The following ZNF385D variants were observed in gnomAD, a reference collection of about 807,000 sequenced individuals.
ZNF385D encodes the protein zinc finger protein 659.
A neutral mutation model predicts 35.8 loss-of-function variants in ZNF385D; 15 were observed. The ratio of observed to expected loss-of-function variants is 0.42; its 90% CI spans 0.28 to 0.64. The LOEUF (loss-of-function observed/expected upper bound fraction) is 0.64. Ranked by LOEUF, ZNF385D falls within the 30% of genes least tolerant of loss-of-function variation. ZNF385D has a pLI of 0.23. For synonymous variants in ZNF385D, 212 were observed against 186.8 expected (o/e 1.13, Z -1.10); for missense variants, 474 against 494.6 (o/e 0.96, Z 0.39).
intron 4 of ZNF385D, among the ~76,000 whole-genome samples, chr3:21,497,144 G>GA (rs1235890220): frequency 6.6e-6 from 1 of 152,056 alleles, no homozygotes; most frequent in Non-Finnish European, 1.5e-5. Flanking sequence ...CCTGTATCTA[G>GA]AAAACCCCAT....
chr3:22,012,288 T>A (rs1471301458), intron 3 of ZNF385D, among the ~76,000 whole-genome samples: 6 of 152,202 alleles, frequency 3.9e-5, no homozygotes, highest in Non-Finnish European at 5.9e-5. Context: ...TAGCTCTTTT[T>A]GAACTTTATT....
chr3:22,196,557 GTTTA>G (rs1240407821), intron 2 of ZNF385D, among the ~76,000 whole-genome samples: 1 of 151,332 alleles, frequency 6.6e-6, no homozygotes, highest in Non-Finnish European at 1.5e-5. Flanking sequence ...TAATATTGTG[GTTTA>G]TTATTATTTT....
At chr3:21,923,566 C>T (rs1700581386) in intron 3 of ZNF385D, among the ~76,000 whole-genome samples, 1 of 152,134 alleles carries the variant, frequency 6.6e-6, no homozygotes, top group Non-Finnish European at 1.5e-5. Context: ...TTGCATGTTC[C>T]TCATGGCACT....
At chr3:22,127,522 T>G (rs754701305) in intron 3 of ZNF385D, among the ~76,000 whole-genome samples, 7 of 151,684 alleles carry the variant, frequency 4.6e-5, no homozygotes, top group African/African-American at 7.3e-5. Context: ...GTACTTTTAG[T>G]AGAGATGGGG....
intron 3 of ZNF385D, among the ~76,000 whole-genome samples, chr3:22,096,128 A>G (rs949012692): frequency 4.3e-5 from 5 of 116,514 alleles, no homozygotes; most frequent in Non-Finnish European, 6.5e-5. Context: ...GGTAAAAAAA[A>G]TATATATACA....
intron 3 of ZNF385D, among the ~76,000 whole-genome samples, chr3:22,141,138 G>A (rs972415295): frequency 1.3e-5 from 2 of 151,984 alleles, no homozygotes; most frequent in African/African-American, 2.4e-5. Flanking sequence ...ACATAAGAGA[G>A]GTTTATACTG....
chr3:22,132,840 T>C (rs1262886662), intron 3 of ZNF385D, among the ~76,000 whole-genome samples: 1 of 152,080 alleles, frequency 6.6e-6, no homozygotes, highest in African/African-American at 2.4e-5. Context: ...AAAATATATC[T>C]TATGTAAAGC....
chr3:21,415,753 G>A lies in ZNF385D; in HGVS notation c.*5461C>T, dbSNP rs542551654. ...CTGAAAATAACATGACCCCATTATCGGCTGTCTTAGTTAACCAAACTCTAA... is the reference window on the plus strand; with the variant it reads ...CTGAAAATAACATGACCCCATTATCAGCTGTCTTAGTTAACCAAACTCTAA... On this transcript the variant is annotated 3_prime_UTR_variant, in exon 8 of 8. Transcript: ENST00000281523. 29 of 151,814 alleles carry A rather than the reference G, an allele frequency of 1.9e-4. No individual in the cohort carries two copies. The highest frequency in any genetic ancestry group is 3.9e-4 in the African/African-American group (16 of 41,294). The allele number at this position is 151,814 out of a possible 1,614,324, so 9.4% of individuals were successfully genotyped here. A position where few individuals can be genotyped will look rare whatever the true frequency, so the allele number is the denominator to read the frequency against.
chr3:21,822,048 A>G (rs1174704107), intron 3 of ZNF385D, among the ~76,000 whole-genome samples: 1 of 151,086 alleles, frequency 6.6e-6, no homozygotes, highest in Non-Finnish European at 1.5e-5. Flanking sequence ...ATATTTCTCC[A>G]CCATTGGTTT....
At chr3:22,082,241 G>T (rs1482190446) in intron 3 of ZNF385D, among the ~76,000 whole-genome samples, 1 of 152,046 alleles carries the variant, frequency 6.6e-6, no homozygotes, top group African/African-American at 2.4e-5. Flanking sequence ...GCTGAAGCAG[G>T]GCAGGGCATC....
intron 2 of ZNF385D, among the ~76,000 whole-genome samples, chr3:22,286,683 T>C (rs949058101): frequency 6.6e-6 from 1 of 152,138 alleles, no homozygotes; most frequent in East Asian, 1.9e-4. Context: ...CATTTCCATA[T>C]ACTTGTAAGC....
chr3:22,009,687 A>G (rs181196168), intron 3 of ZNF385D, among the ~76,000 whole-genome samples: 134 of 152,160 alleles, frequency 8.8e-4, no homozygotes, highest in Admixed American at 2.6e-3. Flanking sequence ...TGTGTCAAAT[A>G]TGACATTTAG....
At chr3:21,824,154 A>C (rs76137688) in intron 3 of ZNF385D, among the ~76,000 whole-genome samples, 43 of 152,340 alleles carry the variant, frequency 2.8e-4, no homozygotes, top group African/African-American at 9.9e-4. Context: ...TTCTTTCAAA[A>C]TTCATTATAT....
At chr3:21,879,129 A>G (rs973918469) in intron 3 of ZNF385D, among the ~76,000 whole-genome samples, 2 of 152,052 alleles carry the variant, frequency 1.3e-5, no homozygotes, top group East Asian at 1.9e-4. Context: ...GAATGACATT[A>G]ACAAGGAAAC....
At chr3:22,283,903 C>T (rs559225230) in intron 2 of ZNF385D, among the ~76,000 whole-genome samples, 123 of 152,252 alleles carry the variant, frequency 8.1e-4, no homozygotes, top group Admixed American at 3.9e-3. Flanking sequence ...ATCTGACCCT[C>T]AAGTTCTTTT....
intron 2 of ZNF385D, among the ~76,000 whole-genome samples, chr3:22,201,317 A>G (rs1479211043): frequency 6.6e-6 from 1 of 152,138 alleles, no homozygotes; most frequent in African/African-American, 2.4e-5. Flanking sequence ...CAACTGAGAG[A>G]AAATTAAATA....
intron 3 of ZNF385D, among the ~76,000 whole-genome samples, chr3:22,098,693 T>C (rs1313085525): frequency 2.6e-5 from 4 of 152,150 alleles, no homozygotes; most frequent in East Asian, 3.9e-4. Flanking sequence ...AGAAGAAATG[T>C]CACATGATAA....
rs192919936 is a variant in ZNF385D, at chr3:21,825,925, T to C, written c.326-160897A>G. Among the ~76,000 whole-genome samples the C allele has an allele frequency of 9.9e-5, 15 of 152,250 alleles. No homozygotes were observed. The East Asian group carries it at 2.7e-3, about 28-fold the overall frequency. ...CACCAGCGGGGGCATTAGATTGTTT[T>C]AGGAGCGCAAAACCCTGTTGTGAAC... On this transcript the variant is annotated intron_variant, in intron 3 of 5. Coordinates refer to the ZNF385D transcript ENST00000494108.
intron 2 of ZNF385D, among the ~76,000 whole-genome samples, chr3:22,291,233 G>GC (rs1359979315): frequency 6.6e-6 from 1 of 151,904 alleles, no homozygotes; most frequent in African/African-American, 2.4e-5. Context: ...TTGCAGAACT[G>GC]CCCCTCCAAA....
Sources: gnomAD v4.1 joint callset for allele counts (sites outside exome capture counted in the v4.1 genomes callset) on GRCh38, gnomAD v4.1.1 for gene constraint, MANE v1.5 for transcripts, NCBI Gene and HGNC (gene_info 2026-07-23, HGNC 2026-07-21) for gene names.